DOCK2: variants seen among roughly 807,000 people sequenced by gnomAD.
DOCK2 encodes the protein dedicator of cytokinesis protein 2.
In DOCK2, 87 loss-of-function variants were observed where a neutral mutation model predicts 248.9. The ratio of observed to expected loss-of-function variants is 0.35; its 90% confidence interval spans 0.29 to 0.42. DOCK2 has a LOEUF of 0.42. Among genes scored for constraint, DOCK2 ranks in the 10% least tolerant of loss-of-function variants. The pLI is 1.00. For missense variants in DOCK2, 1,747 were observed against 2,300.2 expected (o/e 0.76, Z 4.92); for synonymous variants, 805 against 821.6 (o/e 0.98, Z 0.35).
At chr5:170,078,539 A>G (rs1581579964) in intron 48 of DOCK2, among the ~76,000 whole-genome samples, 1 of 152,338 alleles carries the variant, frequency 6.6e-6, no homozygotes, top group South Asian at 2.1e-4. Context: ...GGTTCCTCAG[A>G]CATCATCTCA....
chr5:169,710,001 G>A (rs182556759), intron 15 of DOCK2, among the ~76,000 whole-genome samples: 1 of 152,246 alleles, frequency 6.6e-6, no homozygotes, highest in Admixed American at 6.5e-5. Flanking sequence ...AGCCAAAGCA[G>A]GTGGGAGGCT....
At chr5:169,914,274 C>A (rs1428744872) in intron 27 of DOCK2, among the ~76,000 whole-genome samples, 1 of 152,184 alleles carries the variant, frequency 6.6e-6, no homozygotes, top group African/African-American at 2.4e-5. Context: ...CTCAATTCAC[C>A]TTACCCCATT....
intron 27 of DOCK2, among the ~76,000 whole-genome samples, chr5:169,922,032 T>C (rs1363068615): frequency 6.6e-6 from 1 of 152,184 alleles, no homozygotes; most frequent in African/African-American, 2.4e-5. Context: ...TTTTAAGAGC[T>C]TTTCCATGAC....
intron 1 of DOCK2, among the ~76,000 whole-genome samples, chr5:169,642,337 C>G (rs1757197430): frequency 6.6e-6 from 1 of 152,104 alleles, no homozygotes; most frequent in Non-Finnish European, 1.5e-5. Flanking sequence ...CTTCTGGAGC[C>G]TGTAGTCTAA....
At position 170,069,515 on chromosome 5, in the gene DOCK2, G is replaced by T. The variant is rs530024284; in HGVS notation, c.4728+295G>T. Among the ~76,000 whole-genome samples, 14 of 152,174 alleles carry T rather than the reference G, an allele frequency of 9.2e-5. No homozygotes were observed. In the East Asian group the frequency reaches 2.5e-3, roughly 27 times the overall value. ...TTCAGGGGATGGCTTTTCACAGCGG[G>T]ATGCAAATAAACACCAGGCCCCCAC... On this transcript the variant is annotated intron_variant, in intron 46 of 51. Transcript: ENST00000520908.
chr5:169,822,791 A>G (rs993380559), intron 26 of DOCK2, among the ~76,000 whole-genome samples: 1 of 152,248 alleles, frequency 6.6e-6, no homozygotes, highest in African/African-American at 2.4e-5. Flanking sequence ...AAGGAGATAG[A>G]GACACAAAAA....
chr5:169,744,902 T>TC (rs1333775179), intron 22 of DOCK2, among the ~76,000 whole-genome samples: 1 of 151,990 alleles, frequency 6.6e-6, no homozygotes, highest in East Asian at 1.9e-4. Context: ...TGGGCAGAAC[T>TC]CCCCACCACA....
At chr5:169,913,982 C>T (rs1381719358) in intron 27 of DOCK2, among the ~76,000 whole-genome samples, 1 of 152,138 alleles carries the variant, frequency 6.6e-6, no homozygotes, top group Non-Finnish European at 1.5e-5. Flanking sequence ...CTCACGTGTC[C>T]TGACCCATAT....
intron 25 of DOCK2, among the ~76,000 whole-genome samples, chr5:169,774,819 A>C (rs7735193): frequency 0.39 from 59,578 of 151,848 alleles, 12,023 homozygotes; most frequent in South Asian, 0.49. Context: ...TTCACAGAGA[A>C]ATCTGATTTC....
intron 39 of DOCK2, 72 bp downstream of exon 39, chr5:170,045,977 T>A: frequency 7.0e-7 from 1 of 1,429,312 alleles, no homozygotes; most frequent in Non-Finnish European, 9.9e-7. Context: ...CCCCAGATCC[T>A]GGGGAGATGG....
intron 27 of DOCK2, among the ~76,000 whole-genome samples, chr5:169,877,016 T>C (rs2113483237): frequency 6.6e-6 from 1 of 152,200 alleles, no homozygotes; most frequent in East Asian, 1.9e-4. Flanking sequence ...ACCTAGCAGA[T>C]GAGGGCTCAT....
intron 23 of DOCK2, among the ~76,000 whole-genome samples, chr5:169,755,288 G>A (rs138919073): frequency 6.6e-6 from 1 of 152,262 alleles, no homozygotes; most frequent in East Asian, 1.9e-4. Context: ...CGTATTATAT[G>A]AGTATGTGTG....
intron 26 of DOCK2, among the ~76,000 whole-genome samples, chr5:169,827,992 T>A (rs261626): frequency 0.15 from 22,069 of 152,020 alleles, 2,368 homozygotes; most frequent in African/African-American, 0.3. Flanking sequence ...GAAATGCCCT[T>A]GTCCTAGGAG....
In DOCK2 at chr5:169,704,890, A is replaced by G. The variant is rs2113489941; in HGVS notation, c.1383+2463A>G. ...TAAAAATAAACATGCTGCTGGGCAC[A>G]GCGGCTCACACCTGTAATCCCAGCA... On this transcript the variant is annotated intron_variant, in intron 14 of 51. Transcript: ENST00000520908. 4.6e-5 allele frequency among the ~76,000 whole-genome samples: 7 copies of G among 152,294 alleles called. 1 individual carries two copies. In the South Asian group the frequency reaches 1.4e-3, roughly 32 times the overall value.
chr5:169,810,346 C>G (rs1581223633), intron 26 of DOCK2, among the ~76,000 whole-genome samples: 1 of 152,168 alleles, frequency 6.6e-6, no homozygotes, highest in South Asian at 2.1e-4. Context: ...GCAAGATCCT[C>G]CCCTGTTCTG....
chr5:170,016,709 C>T (rs1302739359), intron 32 of DOCK2, among the ~76,000 whole-genome samples: 3 of 152,186 alleles, frequency 2.0e-5, no homozygotes, highest in Non-Finnish European at 4.4e-5. Flanking sequence ...ATTCTAAAGG[C>T]CTTTGTTGCA....
At chr5:169,678,617 A>G (rs1388070019) in intron 6 of DOCK2, among the ~76,000 whole-genome samples, 1 of 152,204 alleles carries the variant, frequency 6.6e-6, no homozygotes, top group East Asian at 1.9e-4. Flanking sequence ...TACACTTTCT[A>G]CTATTTGGCC....
intron 27 of DOCK2, among the ~76,000 whole-genome samples, chr5:169,911,986 A>G (rs1774622765): frequency 6.6e-6 from 1 of 152,162 alleles, no homozygotes; most frequent in Non-Finnish European, 1.5e-5. Context: ...CTCTAGAATG[A>G]TTGCATAAGC....
chr5:169,884,691 C>T (rs11741459), intron 27 of DOCK2: 105 of 152,422 alleles, frequency 6.9e-4, no homozygotes, highest in South Asian at 1.0e-3. Context: ...GTGTGTTGGC[C>T]GAAGTTCACA....
Sources: gnomAD v4.1 joint callset for allele counts (sites outside exome capture counted in the v4.1 genomes callset) on GRCh38, gnomAD v4.1.1 for gene constraint, MANE v1.5 for transcripts, NCBI Gene and HGNC (gene_info 2026-07-23, HGNC 2026-07-21) for gene names.